Variants in TMEM156 observed in about 807,000 individuals in gnomAD.
TMEM156 encodes the protein transmembrane protein 156.
Under a neutral mutation model 30.5 loss-of-function variants are expected in TMEM156, and 28 were observed. That is an observed-to-expected ratio of 0.92 (90% CI 0.68 to 1.26). TMEM156 has a LOEUF of 1.26. Among genes scored for constraint, TMEM156 ranks in the 50% most tolerant of loss-of-function variants. The pLI, the probability that TMEM156 is intolerant of heterozygous loss-of-function variation, is 0.00. For missense variants in TMEM156, 351 were observed against 340.6 expected (o/e 1.03, Z -0.24); for synonymous variants, 137 against 119.9 (o/e 1.14, Z -0.93).
intron 1 of TMEM156, among the ~76,000 whole-genome samples, chr4:39,015,650 T>C (rs776846032): frequency 3.3e-5 from 5 of 152,216 alleles, no homozygotes; most frequent in Non-Finnish European, 4.4e-5. Context: ...CCACTAAGTT[T>C]ATGATCATTT....
At chr4:38,992,762 A>ATAATATATTATATATATATTTT in intron 3 of TMEM156, among the ~76,000 whole-genome samples, 1 of 95,800 alleles carries the variant, frequency 1.0e-5, no homozygotes, top group Non-Finnish European at 2.0e-5. Context: ...ATATATATAT[A>ATAATATATTATATATATATTTT]TTTTTTTTTG....
At chr4:39,013,359 G>C (rs1246211696) in intron 1 of TMEM156, among the ~76,000 whole-genome samples, 1 of 147,514 alleles carries the variant, frequency 6.8e-6, no homozygotes, top group Non-Finnish European at 1.5e-5. Context: ...AAAAAGAGTA[G>C]TATGACATAA....
chr4:39,019,041 A>C lies in TMEM156; in HGVS notation c.88+13185T>G, dbSNP rs1047445401. On this transcript the variant is annotated intron_variant, in intron 1 of 6. Coordinates refer to ENST00000381938, the MANE Select transcript of TMEM156 (RefSeq NM_024943.3). Reference sequence around the variant, plus strand: ...ATCTTAAAAAAACAAAACAAAAAAAAAAAAAAAACCTCTTCAGTTTTCATG... The same window carrying C: ...ATCTTAAAAAAACAAAACAAAAAAACAAAAAAAACCTCTTCAGTTTTCATG... Among the ~76,000 whole-genome samples the C allele has an allele frequency of 1.1e-3, 169 of 151,878 alleles. 3 individuals are homozygous for C. The highest frequency in any genetic ancestry group is 3.8e-3 in the African/African-American group (158 of 41,386).
chr4:38,976,085 G>A (rs1412145915), intron 5 of TMEM156, among the ~76,000 whole-genome samples: 3 of 151,844 alleles, frequency 2.0e-5, no homozygotes, highest in Admixed American at 6.6e-5. Context: ...TCAGGAGATC[G>A]AGACCATCCT....
At chr4:39,001,566 T>C (rs548246184) in intron 1 of TMEM156, among the ~76,000 whole-genome samples, 8 of 150,860 alleles carry the variant, frequency 5.3e-5, no homozygotes, top group African/African-American at 1.9e-4. Context: ...TAATTACCCC[T>C]ACTCTCAAGT....
At chr4:39,022,429 A>G (rs1714930074) in intron 1 of TMEM156, among the ~76,000 whole-genome samples, 1 of 152,202 alleles carries the variant, frequency 6.6e-6, no homozygotes, top group African/African-American at 2.4e-5. Context: ...CCAGGCCACC[A>G]GAGATTTGCA....
At chr4:38,989,790 CTTATTTTATT>C (rs1271037053) in intron 3 of TMEM156, among the ~76,000 whole-genome samples, 2 of 124,650 alleles carry the variant, frequency 1.6e-5, no homozygotes, top group African/African-American at 2.8e-5. Flanking sequence ...TTTATTTTAT[CTTATTTTATT>C]TTATTTTATT....
In TMEM156 at chr4:39,031,088, A is replaced by G. The variant is rs535401615; in HGVS notation, c.88+1138T>C. On this transcript the variant is annotated intron_variant, in intron 1 of 6. Transcript: ENST00000381938. ...TGGCTATTTAGCATTACATATATGC[A>G]ACAATAAATATTCATTGCAGCAAAT... Among the ~76,000 whole-genome samples the G allele has an allele frequency of 2.6e-5, 4 of 152,374 alleles. No individual in the cohort carries two copies. In the East Asian group the frequency reaches 5.8e-4, roughly 22 times the overall value.
chr4:39,015,395 G>A (rs529914423), intron 1 of TMEM156, among the ~76,000 whole-genome samples: 2 of 152,310 alleles, frequency 1.3e-5, no homozygotes, highest in South Asian at 2.1e-4. Flanking sequence ...TAGCAGAAGA[G>A]TCAATGTCAG....
chr4:38,993,787 G>C lies in TMEM156; in HGVS notation c.570C>G (p.Tyr190Ter), dbSNP rs753737568. 1 of 1,612,910 alleles carries C rather than the reference G, an allele frequency of 6.2e-7. No individual in the cohort carries two copies. Among genetic ancestry groups the C allele is most frequent in the East Asian group, 2.2e-5 (1 of 44,844 alleles). ...AAGAAATGTGTATACAATCATTCGG[G>C]TATTCCATGATTCTACAAGTGTAGT... ...SINYTCRIME[Y>*]PNDCIHISLH... Residue 190 changes from tyrosine to a stop codon, truncating the protein, a stop_gained, in exon 3 of 7, where the codon TAC becomes TAG. Transcript: ENST00000381938. LOFTEE classifies it high-confidence loss of function.
At chr4:39,005,507 G>T (rs956477591) in intron 1 of TMEM156, among the ~76,000 whole-genome samples, 3 of 152,186 alleles carry the variant, frequency 2.0e-5, no homozygotes, top group Non-Finnish European at 4.4e-5. Context: ...AGAACTGGGA[G>T]TCAATTAAAC....
chr4:38,986,187 T>A (rs373005082), intron 5 of TMEM156, 149 bp downstream of exon 5: 5 of 612,372 alleles, frequency 8.2e-6, no homozygotes, highest in Non-Finnish European at 1.5e-5. Flanking sequence ...CATATTAAAC[T>A]GGATTTCATT....
At chr4:39,012,593 G>A (rs913523233) in intron 1 of TMEM156, among the ~76,000 whole-genome samples, 1 of 152,180 alleles carries the variant, frequency 6.6e-6, no homozygotes, top group African/African-American at 2.4e-5. Context: ...ATCACCTGAG[G>A]TCAGGAGTTC....
At chr4:38,995,297 A>T (rs1475749129) in intron 2 of TMEM156, among the ~76,000 whole-genome samples, 1 of 152,210 alleles carries the variant, frequency 6.6e-6, no homozygotes, top group Non-Finnish European at 1.5e-5. Flanking sequence ...GGACTTCAAC[A>T]TGTGAATTTG....
rs1354011711 is a variant in TMEM156 at position 39,029,682 on chromosome 4, C to G, written c.88+2544G>C. On this transcript the variant is annotated intron_variant, in intron 1 of 6. Coordinates refer to ENST00000381938, the MANE Select transcript of TMEM156 (RefSeq NM_024943.3). ...TGAGCCGAGATCGCGCCACTGCACT[C>G]CAGCCTGGGCGACAGAGCGAGACTC... Among the ~76,000 whole-genome samples the G allele has an allele frequency of 2.5e-3, 29 of 11,822 alleles. 10 individuals carry two copies. The highest frequency in any genetic ancestry group is 3.6e-3 in the Non-Finnish European group (26 of 7,150). The allele number at this position is 11,822 out of a possible 152,430, so 7.8% of individuals were successfully genotyped here. A position where few individuals can be genotyped will look rare whatever the true frequency, so the allele number is the denominator to read the frequency against.
intron 3 of TMEM156, among the ~76,000 whole-genome samples, chr4:38,992,064 G>A (rs4974981): frequency 0.36 from 54,353 of 152,052 alleles, 10,368 homozygotes; most frequent in East Asian, 0.65. Flanking sequence ...TTAAAAATGC[G>A]TGCACATTAT....
At chr4:39,030,516 T>C (rs1367179768) in intron 1 of TMEM156, among the ~76,000 whole-genome samples, 1 of 152,216 alleles carries the variant, frequency 6.6e-6, no homozygotes, top group African/African-American at 2.4e-5. Context: ...ATCTTCTTTC[T>C]GCTCACCACT....
intron 4 of TMEM156, among the ~76,000 whole-genome samples, chr4:38,987,305 G>T (rs533466836): frequency 1.3e-5 from 2 of 152,064 alleles, no homozygotes; most frequent in Non-Finnish European, 2.9e-5. Context: ...AGTCTCAGGG[G>T]ATTTTTATCT....
At chr4:38,970,489 AT>A in intron 6 of TMEM156, among the ~76,000 whole-genome samples, 1 of 152,202 alleles carries the variant, frequency 6.6e-6, no homozygotes, top group East Asian at 1.9e-4. Flanking sequence ...CCCTGTTATA[AT>A]TTTTATACCC....
Sources: gnomAD v4.1 joint callset for allele counts (sites outside exome capture counted in the v4.1 genomes callset) on GRCh38, gnomAD v4.1.1 for gene constraint, MANE v1.5 for transcripts, NCBI Gene and HGNC (gene_info 2026-07-23, HGNC 2026-07-21) for gene names.